The following CNTNAP2 variants were observed in gnomAD, a reference collection of about 807,000 sequenced individuals.
CNTNAP2 encodes contactin associated protein 2, also known as contactin-associated protein-like 2.
CNTNAP2 carries 98 observed loss-of-function variants against 155.2 expected under a neutral mutation model. That is an observed-to-expected ratio of 0.63 (90% CI 0.54 to 0.75). The LOEUF is 0.75. Ranked by LOEUF, CNTNAP2 falls within the 30% of genes least tolerant of loss-of-function variation. The probability of loss-of-function intolerance (pLI) is 0.00; values close to 1 mark genes in which losing one functional copy is unlikely to be tolerated. For missense variants in CNTNAP2, 1,727 were observed against 1,688.1 expected, an observed-to-expected ratio of 1.02 and a Z score of -0.40; for synonymous variants, 651 against 631.2, an observed-to-expected ratio of 1.03 and a Z score of -0.47.
intron 1 of CNTNAP2, among the ~76,000 whole-genome samples, chr7:146,499,687 C>T (rs755520749): frequency 6.6e-6 from 1 of 151,902 alleles, no homozygotes; most frequent in African/African-American, 2.4e-5. Flanking sequence ...TGAGAACATG[C>T]GGTGTTTGGT....
At chr7:146,291,378 T>C (rs1800426402) in intron 1 of CNTNAP2, among the ~76,000 whole-genome samples, 1 of 152,164 alleles carries the variant, frequency 6.6e-6, no homozygotes, top group Admixed American at 6.5e-5. Context: ...ATAATAATAT[T>C]TCATGGTGCA....
intron 1 of CNTNAP2, among the ~76,000 whole-genome samples, chr7:146,515,480 A>T (rs768532859): frequency 2.4e-4 from 36 of 152,078 alleles, no homozygotes; most frequent in Non-Finnish European, 5.0e-4. Flanking sequence ...GTTTTGGGAT[A>T]TTACTGGTGA....
intron 21 of CNTNAP2, among the ~76,000 whole-genome samples, chr7:148,371,584 T>G (rs1217574684): frequency 6.6e-6 from 1 of 152,198 alleles, no homozygotes; most frequent in Non-Finnish European, 1.5e-5. Flanking sequence ...TTGAAGCCAA[T>G]TTCTACCTAT....
chr7:146,169,402 G>T (rs1024996267), intron 1 of CNTNAP2, among the ~76,000 whole-genome samples: 1 of 152,114 alleles, frequency 6.6e-6, no homozygotes, highest in African/African-American at 2.4e-5. Context: ...TATATTGAAG[G>T]CATAATGTGA....
intron 1 of CNTNAP2, among the ~76,000 whole-genome samples, chr7:146,727,278 A>G (rs930301852): frequency 2.0e-5 from 3 of 152,154 alleles, no homozygotes; most frequent in Admixed American, 1.3e-4. Flanking sequence ...GATTTTGGTA[A>G]TTTCCAGGAA....
rs188004501 is a variant in CNTNAP2, at chr7:147,281,877, T to C, written c.1349-18264T>C. On this transcript the variant is annotated intron_variant, in intron 8 of 23. Coordinates refer to ENST00000361727, the MANE Select transcript of CNTNAP2 (RefSeq NM_014141.6). ...CTGAATTGATCTAGAGACCCTTCCC[T>C]TGACTATGACCTGTGTGATCATCAG... Among the ~76,000 whole-genome samples, 10 of 151,928 alleles carry C rather than the reference T, an allele frequency of 6.6e-5. No homozygotes were observed. In the East Asian group the frequency reaches 1.9e-3, roughly 29 times the overall value.
intron 17 of CNTNAP2, among the ~76,000 whole-genome samples, chr7:148,168,256 T>C (rs1241295669): frequency 6.6e-6 from 1 of 151,882 alleles, no homozygotes; most frequent in Non-Finnish European, 1.5e-5. Flanking sequence ...TAAAGACACA[T>C]GCACACGTAT....
intron 1 of CNTNAP2, among the ~76,000 whole-genome samples, chr7:146,599,066 T>C (rs1412195350): frequency 6.6e-6 from 1 of 152,048 alleles, no homozygotes; most frequent in Non-Finnish European, 1.5e-5. Flanking sequence ...TTCCCTGTCA[T>C]ATAAAAAATA....
At chr7:147,447,562 G>A (rs966007390) in intron 10 of CNTNAP2, among the ~76,000 whole-genome samples, 17 of 151,968 alleles carry the variant, frequency 1.1e-4, no homozygotes, top group African/African-American at 2.4e-4. Context: ...GACTACAGGC[G>A]CGCGCCACCA....
chr7:147,568,321 A>G (rs140709555), intron 12 of CNTNAP2, among the ~76,000 whole-genome samples: 1 of 152,180 alleles, frequency 6.6e-6, no homozygotes, highest in African/African-American at 2.4e-5. Context: ...AGTTTGACAT[A>G]AATTGACTCT....
chr7:147,113,379 C>CA (rs569549366), intron 5 of CNTNAP2, among the ~76,000 whole-genome samples: 174 of 151,338 alleles, frequency 1.1e-3, no homozygotes, highest in African/African-American at 3.9e-3. Context: ...TTAATTATTT[C>CA]AAAAAACCAG....
At chr7:146,701,446 TC>T (rs1175573884) in intron 1 of CNTNAP2, among the ~76,000 whole-genome samples, 1 of 152,176 alleles carries the variant, frequency 6.6e-6, no homozygotes, top group East Asian at 1.9e-4. Context: ...TGGAATAGCA[TC>T]CTTTAAATCA....
chr7:147,855,800 C>T (rs927178790), intron 13 of CNTNAP2, among the ~76,000 whole-genome samples: 9 of 152,178 alleles, frequency 5.9e-5, no homozygotes, highest in Admixed American at 5.9e-4. Context: ...TAATGCCCAG[C>T]CCTGCAAAAA....
At chr7:146,705,494 G>A (rs1051453179) in intron 1 of CNTNAP2, among the ~76,000 whole-genome samples, 4 of 152,028 alleles carry the variant, frequency 2.6e-5, no homozygotes, top group South Asian at 2.1e-4. Flanking sequence ...CTATCACCCC[G>A]CAAAATGCTC....
intron 18 of CNTNAP2, among the ~76,000 whole-genome samples, chr7:148,200,238 T>A (rs1795346721): frequency 6.6e-6 from 1 of 152,206 alleles, no homozygotes; most frequent in Admixed American, 6.5e-5. Context: ...ATGTAAAATG[T>A]CTCAATAATT....
At chr7:147,347,582 T>G (rs2116872318) in intron 9 of CNTNAP2, among the ~76,000 whole-genome samples, 1 of 151,218 alleles carries the variant, frequency 6.6e-6, no homozygotes, top group Non-Finnish European at 1.5e-5. Flanking sequence ...CTTACCTAAG[T>G]ACCATTAAAA....
chr7:147,679,020 A>G (rs1385702632), intron 13 of CNTNAP2, among the ~76,000 whole-genome samples: 2 of 151,872 alleles, frequency 1.3e-5, no homozygotes, highest in African/African-American at 4.8e-5. Flanking sequence ...CTTTTCAACT[A>G]CTGTACTTAC....
intron 1 of CNTNAP2, among the ~76,000 whole-genome samples, chr7:146,649,364 TG>T (rs1196660195): frequency 2.0e-5 from 3 of 152,130 alleles, no homozygotes; most frequent in African/African-American, 7.2e-5. Context: ...TTCTTTTTAC[TG>T]GGTGTGATGA....
chr7:148,420,691 T>C lies in CNTNAP2; in HGVS notation c.*5075T>C, dbSNP rs1941307722. ...CCTCTCAAGTAGGCCAAGAAACAGTTCTAGATTTTACTAAGTTTTATTTTG... is the reference window on the plus strand; with the variant it reads ...CCTCTCAAGTAGGCCAAGAAACAGTCCTAGATTTTACTAAGTTTTATTTTG... On this transcript the variant is annotated 3_prime_UTR_variant, in exon 24 of 24. Coordinates refer to ENST00000361727, the MANE Select transcript of CNTNAP2 (RefSeq NM_014141.6). 1.3e-5 allele frequency: 2 copies of C among 152,702 alleles called. No homozygotes were observed. The highest frequency in any genetic ancestry group is 1.3e-4 in the Admixed American group (2 of 15,292). The allele number at this position is 152,702 out of a possible 1,614,324, so 9.5% of individuals were successfully genotyped here. A position where few individuals can be genotyped will look rare whatever the true frequency, so the allele number is the denominator to read the frequency against.
Sources: allele counts gnomAD v4.1 joint callset (sites outside exome capture counted in the v4.1 genomes callset), GRCh38; gene constraint gnomAD v4.1.1; transcripts MANE v1.5; gene names NCBI Gene and HGNC (gene_info 2026-07-23, HGNC 2026-07-21).